PSD2: variants seen among roughly 807,000 people sequenced by gnomAD.
PSD2 encodes PH and SEC7 domain-containing protein 2.
Under a neutral mutation model 69.8 loss-of-function variants are expected in PSD2, and 38 were observed. The ratio of observed to expected loss-of-function variants is 0.54; its 90% CI spans 0.42 to 0.71. The LOEUF (loss-of-function observed/expected upper bound fraction) is 0.71, where lower values mean the gene tolerates loss of function less well. Among genes scored for constraint, PSD2 ranks in the 30% least tolerant of loss-of-function variants. The probability of loss-of-function intolerance (pLI) is 0.00; values close to 1 mark genes in which losing one functional copy is unlikely to be tolerated. For synonymous variants in PSD2, 412 were observed against 423.0 expected, an observed-to-expected ratio of 0.97 and a Z score of 0.32; for missense variants, 943 against 1,014.5, an observed-to-expected ratio of 0.93 and a Z score of 0.96.
At chr5:139,760,956 T>C in the PSD2 span, among the ~76,000 whole-genome samples, 2 of 152,208 alleles carry the variant, frequency 1.3e-5, no homozygotes, top group Non-Finnish European at 2.9e-5. Flanking sequence ...GTTAGGCTGA[T>C]AGAGGAAACG....
chr5:139,835,686 C>CT, intron 8 of PSD2, 37 bp from the exon 9 acceptor site: 1 of 1,606,800 alleles, frequency 6.2e-7, no homozygotes, highest in Non-Finnish European at 8.5e-7. Flanking sequence ...TTTGACCCTT[C>CT]ACCTGAATTC....
chr5:139,820,133 G>C (rs139228279), intron 5 of PSD2, among the ~76,000 whole-genome samples: 20 of 152,300 alleles, frequency 1.3e-4, no homozygotes, highest in Middle Eastern at 6.8e-3. Flanking sequence ...GGGGAGGGTG[G>C]ACAGTGGTGA....
At chr5:139,774,774 G>A in the PSD2 span, among the ~76,000 whole-genome samples, 2 of 152,224 alleles carry the variant, frequency 1.3e-5, no homozygotes, top group Non-Finnish European at 2.9e-5. Context: ...ACAGGCGTGA[G>A]CCACTGCGCC....
chr5:139,836,429 C>G (rs559267691), intron 9 of PSD2, among the ~76,000 whole-genome samples: 1 of 152,296 alleles, frequency 6.6e-6, no homozygotes, highest in Non-Finnish European at 1.5e-5. Flanking sequence ...CCTCCCGCTG[C>G]CAGCATGTCG....
chr5:139,796,485 T>C (rs1759531134), intron 1 of PSD2, among the ~76,000 whole-genome samples: 1 of 152,108 alleles, frequency 6.6e-6, no homozygotes, highest in African/African-American at 2.4e-5. Flanking sequence ...TTGACAGCCC[T>C]GCTTGGCGGC....
chr5:139,759,300 G>T, the PSD2 span, among the ~76,000 whole-genome samples: 1 of 152,040 alleles, frequency 6.6e-6, no homozygotes, highest in Non-Finnish European at 1.5e-5. Context: ...CCGCCCGCGC[G>T]CGCTCTCTCT....
At chr5:139,792,437 C>T (rs1022380492), upstream of PSD2, among the ~76,000 whole-genome samples, 5 of 152,150 alleles carry the variant, frequency 3.3e-5, no homozygotes, top group African/African-American at 1.2e-4. Flanking sequence ...CCCCTCCCCC[C>T]ATAACTTTCA....
intron 1 of PSD2, among the ~76,000 whole-genome samples, chr5:139,802,571 A>C (rs1478521310): frequency 1.3e-5 from 2 of 151,908 alleles, no homozygotes; most frequent in African/African-American, 4.8e-5. Context: ...AAGGTGGCCC[A>C]GTGGTCAGTC....
intron 7 of PSD2, among the ~76,000 whole-genome samples, chr5:139,832,537 A>G (rs922385172): frequency 6.6e-6 from 1 of 152,234 alleles, no homozygotes; most frequent in African/African-American, 2.4e-5. Context: ...AACTTGGGAA[A>G]TGACATGGAA....
intron 12 of PSD2, 22 bp from the exon 13 acceptor site, chr5:139,838,606 C>T: frequency 1.9e-6 from 3 of 1,604,996 alleles, no homozygotes; most frequent in Non-Finnish European, 2.6e-6. Context: ...AGGCCGGCAC[C>T]CTCTCCCCCT....
At chr5:139,756,727 G>A in the PSD2 span, among the ~76,000 whole-genome samples, 2 of 152,144 alleles carry the variant, frequency 1.3e-5, no homozygotes, top group Admixed American at 6.5e-5. Context: ...GGCTTGAGAG[G>A]GGGCGGGCAA....
chr5:139,804,761 C>T (rs1281463676), intron 1 of PSD2, among the ~76,000 whole-genome samples: 2 of 152,180 alleles, frequency 1.3e-5, no homozygotes, highest in African/African-American at 2.4e-5. Context: ...ATGTAGATCT[C>T]GCTGCCCTTA....
chr5:139,827,871 T>A (rs1453533885), intron 7 of PSD2, among the ~76,000 whole-genome samples: 1 of 152,102 alleles, frequency 6.6e-6, no homozygotes, highest in Non-Finnish European at 1.5e-5. Context: ...CATGTGGGGA[T>A]TACAATTCGA....
intron 5 of PSD2, among the ~76,000 whole-genome samples, chr5:139,818,187 G>C (rs890011483): frequency 2.2e-4 from 34 of 152,272 alleles, no homozygotes; most frequent in African/African-American, 7.9e-4. Context: ...GAGCTAAGGG[G>C]TAGGGTGACT....
upstream of PSD2, among the ~76,000 whole-genome samples, chr5:139,794,897 C>T (rs902320235): frequency 1.3e-5 from 2 of 152,170 alleles, no homozygotes; most frequent in Non-Finnish European, 2.9e-5. Flanking sequence ...AGCCCAGGTA[C>T]AGCCAGTCAA....
the PSD2 span, among the ~76,000 whole-genome samples, chr5:139,787,689 C>T: frequency 6.6e-6 from 1 of 152,374 alleles, no homozygotes; most frequent in African/African-American, 2.4e-5. Flanking sequence ...CCGGGAGGGG[C>T]TGGGCTGGGC....
At chr5:139,804,159 C>T (rs1035848308) in intron 1 of PSD2, among the ~76,000 whole-genome samples, 2 of 152,184 alleles carry the variant, frequency 1.3e-5, no homozygotes, top group Non-Finnish European at 2.9e-5. Context: ...TGTGTGTTCA[C>T]ATGTGTTTGT....
rs779268903 is a variant in PSD2, at chr5:139,838,631, C to T, written c.1827C>T (p.Ser609=). Residue 609 remains serine (S), a synonymous_variant, in exon 13 of 15, where the codon AGC becomes AGT. Coordinates refer to ENST00000274710, the MANE Select transcript of PSD2 (RefSeq NM_032289.4). ...CCTCTCCCCCTCCTGTCCCCAGGAG[C>T]AAGGAAGAAATGCTGTCCTGGATCC... ...DWRVFLFQAP[S]KEEMLSWILR... is the part of the protein sequence containing the mutation. The T allele has an allele frequency of 6.2e-7, 1 of 1,612,190 alleles. No homozygotes were observed. The highest frequency in any genetic ancestry group is 8.5e-7 in the Non-Finnish European group (1 of 1,178,550).
At chr5:139,842,193 T>C in intron 14 of PSD2, 78 bp from the exon 15 acceptor site, 1 of 1,166,632 alleles carries the variant, frequency 8.6e-7, no homozygotes, top group Non-Finnish European at 1.3e-6. Context: ...TTAAGGAAAT[T>C]AGTCTTTTGT....
Sources: gnomAD v4.1 joint callset for allele counts (sites outside exome capture counted in the v4.1 genomes callset) on GRCh38, gnomAD v4.1.1 for gene constraint, MANE v1.5 for transcripts, NCBI Gene and HGNC (gene_info 2026-07-23, HGNC 2026-07-21) for gene names.